Variants in ADGRV1 observed in about 807,000 individuals in gnomAD.
The protein encoded by ADGRV1 is adhesion G protein-coupled receptor V1, also known as G-protein coupled receptor 98.
In ADGRV1, 359 loss-of-function variants were observed where a neutral mutation model predicts 596.2. The observed-to-expected ratio is 0.60, with a 90% CI of 0.55 to 0.66. ADGRV1 has a LOEUF of 0.66. ADGRV1 is among the 30% of genes least tolerant of loss of function. ADGRV1 has a pLI of 0.00. For missense variants in ADGRV1, 7,274 were observed against 7,575.6 expected (o/e 0.96, Z 1.48); for synonymous variants, 2,681 against 2,679.2 (o/e 1.00, Z -0.02).
chr5:90,584,269 C>CT (rs1170671432), intron 1 of ADGRV1, among the ~76,000 whole-genome samples: 5 of 152,058 alleles, frequency 3.3e-5, no homozygotes, highest in East Asian at 3.8e-4. Flanking sequence ...CTAAATGAAA[C>CT]TTTTTTTTCC....
chr5:90,810,337 A>G lies in ADGRV1; in HGVS notation c.15077A>G (p.His5026Arg), dbSNP rs1231189532. ...GAAGATACACAGATGATCAGATTAC[A>G]TGTACAAAGACTATTTGGGTTCCAC... Reference protein sequence around the residue: ...VSEDTQMIRLHVQRLFGFHSD... With the variant: ...VSEDTQMIRLRVQRLFGFHSD... Residue 5026 changes from histidine to arginine, a missense_variant, in exon 74 of 90, where the codon CAT becomes CGT. Around this residue, in one of 5 missense-constraint regions of ADGRV1, gnomAD observed 1,874 missense variants for 1,970.2 expected, o/e 0.95. Transcript: ENST00000405460. 1 of 1,613,080 alleles carries G rather than the reference A, an allele frequency of 6.2e-7. No homozygotes were observed. Among genetic ancestry groups the G allele is most frequent in the Non-Finnish European group, 8.5e-7 (1 of 1,179,532 alleles).
At chr5:91,116,840 C>A (rs532735443) in intron 87 of ADGRV1, among the ~76,000 whole-genome samples, 1 of 152,132 alleles carries the variant, frequency 6.6e-6, no homozygotes, top group African/African-American at 2.4e-5. Context: ...GGGCCACTAC[C>A]CTAGGTGGAT....
chr5:90,680,020 A>G (rs1410351132), intron 26 of ADGRV1, among the ~76,000 whole-genome samples: 2 of 152,218 alleles, frequency 1.3e-5, no homozygotes, highest in Non-Finnish European at 2.9e-5. Context: ...TTTTAAATAC[A>G]TCACACTTAT....
intron 83 of ADGRV1, among the ~76,000 whole-genome samples, chr5:90,943,918 T>C (rs1029573265): frequency 2.0e-5 from 3 of 152,296 alleles, no homozygotes; most frequent in East Asian, 1.9e-4. Context: ...CCAAATAAAG[T>C]CAACTTCTAA....
intron 34 of ADGRV1, among the ~76,000 whole-genome samples, chr5:90,702,628 G>C (rs533994742): frequency 6.6e-6 from 1 of 151,818 alleles, no homozygotes; most frequent in African/African-American, 2.4e-5. Context: ...CTTGAAAATA[G>C]TGTTTAAAGT....
At chr5:90,669,468 A>T (rs1055813157) in intron 21 of ADGRV1, among the ~76,000 whole-genome samples, 1 of 152,210 alleles carries the variant, frequency 6.6e-6, no homozygotes, top group Non-Finnish European at 1.5e-5. Context: ...TTGGTCGTTG[A>T]CACTTAAAAA....
chr5:90,687,930 C>A (rs1350774457), intron 29 of ADGRV1, among the ~76,000 whole-genome samples: 1 of 152,152 alleles, frequency 6.6e-6, no homozygotes, highest in Non-Finnish European at 1.5e-5. Flanking sequence ...ACATTCCATG[C>A]TCATGGGTAG....
intron 50 of ADGRV1, among the ~76,000 whole-genome samples, chr5:90,739,840 T>C (rs1202098010): frequency 6.6e-6 from 1 of 152,168 alleles, no homozygotes; most frequent in African/African-American, 2.4e-5. Context: ...TGGGCTTGCC[T>C]CCCATACTAG....
At chr5:90,877,364 C>T (rs542092429) in intron 83 of ADGRV1, among the ~76,000 whole-genome samples, 1 of 152,276 alleles carries the variant, frequency 6.6e-6, no homozygotes, top group South Asian at 2.1e-4. Flanking sequence ...GAATAGTCGC[C>T]AGACCTGAGC....
rs17624740 is a variant in ADGRV1, at chr5:90,773,861, T to C, written c.12286-325T>C. Reference sequence around the variant, plus strand: ...TTCTCCTTTGAATGGAGCTGTTTCTTATAAAGTCTATGACCTTTGTCTGTT... The same window carrying C: ...TTCTCCTTTGAATGGAGCTGTTTCTCATAAAGTCTATGACCTTTGTCTGTT... On this transcript the variant is annotated intron_variant, in intron 59 of 89. Transcript: ENST00000405460. Among the ~76,000 whole-genome samples, 10,577 of 152,250 alleles carry C rather than the reference T, an allele frequency of 0.069. 521 individuals are homozygous for C. The highest frequency in any genetic ancestry group is 0.098 in the Non-Finnish European group (6,673 of 68,004).
chr5:90,663,785 T>C (rs1232762260), intron 21 of ADGRV1, among the ~76,000 whole-genome samples: 1 of 151,962 alleles, frequency 6.6e-6, no homozygotes, highest in Non-Finnish European at 1.5e-5. Flanking sequence ...GAATTGATTT[T>C]TGTATAAGGT....
Position 90,694,437 on chromosome 5 carries a change from G to A in ADGRV1, c.7681G>A (p.Gly2561Arg). 6.2e-7 allele frequency: 1 copy of A among 1,613,948 alleles called. No homozygotes were observed. The highest frequency in any genetic ancestry group is 8.5e-7 in the Non-Finnish European group (1 of 1,179,854). ...CAGTTTGAAAAATCAGCCAACCATA[G>A]GACAGCCAAATATTTCTACAGTTGT... The part of the protein sequence containing the change: ...SASLKNQPTI[G>R]QPNISTVVIA... The change falls in exon 33 of 90, where the codon GGA becomes AGA. Residue 2561 changes from glycine to arginine, a missense_variant. By Grantham distance (125) the Gly-to-Arg change is moderately radical. Transcript: ENST00000405460.
intron 64 of ADGRV1, 68 bp downstream of exon 64, chr5:90,779,165 G>A: frequency 1.1e-6 from 1 of 931,886 alleles, no homozygotes; most frequent in Non-Finnish European, 1.7e-6. Context: ...GTTCTATTGT[G>A]TAGAGATTAA....
At chr5:90,706,424 G>T (rs1413934281) in intron 38 of ADGRV1, 30 bp downstream of exon 38, 3 of 1,505,392 alleles carry the variant, frequency 2.0e-6, no homozygotes, top group Non-Finnish European at 2.7e-6. Flanking sequence ...TTAATCTTAG[G>T]GGGAGATAGT....
At chr5:90,777,821 A>C in intron 61 of ADGRV1, 84 bp from the exon 62 acceptor site, 2 of 1,208,904 alleles carry the variant, frequency 1.7e-6, no homozygotes, top group Non-Finnish European at 2.3e-6. Flanking sequence ...ATGAAAATTG[A>C]TTACTGTTAA....
chr5:90,711,938 A>AT (rs1008232410), intron 41 of ADGRV1, among the ~76,000 whole-genome samples: 49 of 151,672 alleles, frequency 3.2e-4, no homozygotes, highest in African/African-American at 9.9e-4. Flanking sequence ...CACCATGCTA[A>AT]TTTTTTTTGT....
In ADGRV1 at chr5:90,655,477, C is replaced by T. The variant is rs527931455; in HGVS notation, c.4378+1525C>T. ...TTTTGGTTGTTTTCTGTTCTGCCTA[C>T]TACATATAGTACTTCTATGGATACT... On this transcript the variant is annotated intron_variant, in intron 20 of 89. Coordinates refer to ENST00000405460, the MANE Select transcript of ADGRV1 (RefSeq NM_032119.4). 3.3e-5 allele frequency: 5 copies of T among 152,272 alleles called. No individual in the cohort carries two copies. In the South Asian group the frequency reaches 1.0e-3, roughly 32 times the overall value. The allele number at this position is 152,272 out of a possible 1,614,324, so 9.4% of individuals were successfully genotyped here.
intron 86 of ADGRV1, among the ~76,000 whole-genome samples, chr5:91,099,644 G>A (rs772988600): frequency 3.3e-5 from 5 of 152,114 alleles, no homozygotes; most frequent in Non-Finnish European, 7.3e-5. Context: ...GGTGGCTCAC[G>A]CCTGTAATCC....
chr5:90,694,052 G>T lies in ADGRV1; in HGVS notation c.7296G>T (p.Val2432=), dbSNP rs540125099. 1.9e-6 allele frequency: 3 copies of T among 1,613,636 alleles called. No individual in the cohort carries two copies. Among genetic ancestry groups the T allele is most frequent in the African/African-American group, 2.7e-5 (2 of 74,904 alleles). The change falls in exon 33 of 90, where the codon GTG becomes GTT. Residue 2432 remains valine (V), a synonymous_variant. Coordinates refer to ENST00000405460, the MANE Select transcript of ADGRV1 (RefSeq NM_032119.4). Reference sequence around the variant, plus strand: ...GAACTTGGATGAATGTCTCTGCCGTGGGGGAGCCCCTGTATACCTGTGCCA... The same window carrying T: ...GAACTTGGATGAATGTCTCTGCCGTTGGGGAGCCCCTGTATACCTGTGCCA... ...LWRTWMNVSA[V]GEPLYTCATL... is the part of the protein sequence containing the mutation.
Sources: gnomAD v4.1 joint callset for allele counts (sites outside exome capture counted in the v4.1 genomes callset) on GRCh38, gnomAD v4.1.1 for gene constraint, gnomAD v4.1.1 regional missense constraint, MANE v1.5 for transcripts, NCBI Gene and HGNC (gene_info 2026-07-23, HGNC 2026-07-21) for gene names.